Variants in ERICH5 observed in about 807,000 individuals in gnomAD.
The protein encoded by ERICH5 is glutamate-rich protein 5.
ERICH5 carries 24 observed loss-of-function variants against 28.0 expected under a neutral mutation model. The observed-to-expected ratio is 0.86, with a 90% CI of 0.62 to 1.21. The LOEUF (loss-of-function observed/expected upper bound fraction) is 1.21. ERICH5 is among the 50% of genes most tolerant of loss of function. ERICH5 has a pLI of 0.00. For synonymous variants in ERICH5, 163 were observed against 157.6 expected, an observed-to-expected ratio of 1.03 and a Z score of -0.25; for missense variants, 421 against 441.2, an observed-to-expected ratio of 0.95 and a Z score of 0.41.
rs371211645 is a variant in ERICH5 at position 98,074,928 on chromosome 8, C to T, written c.58+10201C>T. On this transcript the variant is annotated intron_variant, in intron 1 of 2. Transcript: ENST00000318528. ...TCCAGAATCCCACATTGCATGTAGT[C>T]ATCATGCCTCCTTCAGCTCCCCTTG... Among the ~76,000 whole-genome samples, 12 of 152,284 alleles carry T rather than the reference C, an allele frequency of 7.9e-5. No homozygotes were observed. The East Asian group carries it at 1.9e-3, about 24-fold the overall frequency.
intron 1 of ERICH5, among the ~76,000 whole-genome samples, chr8:98,085,326 A>C (rs1371924645): frequency 1.3e-5 from 2 of 151,346 alleles, no homozygotes; most frequent in African/African-American, 4.9e-5. Context: ...ACGCCCTGCT[A>C]ATTTTTTTTT....
chr8:98,071,382 C>A (rs889620176), intron 1 of ERICH5, among the ~76,000 whole-genome samples: 1 of 152,176 alleles, frequency 6.6e-6, no homozygotes, highest in African/African-American at 2.4e-5. Context: ...TTGAAAGAAA[C>A]CCTGAATACG....
intron 1 of ERICH5, among the ~76,000 whole-genome samples, chr8:98,066,865 C>T (rs565825129): frequency 6.6e-6 from 1 of 152,188 alleles, no homozygotes; most frequent in Non-Finnish European, 1.5e-5. Context: ...TTCTTTAAAT[C>T]CTATATACAA....
intron 1 of ERICH5, among the ~76,000 whole-genome samples, chr8:98,081,538 T>A (rs536672009): frequency 5.9e-5 from 9 of 152,340 alleles, no homozygotes; most frequent in African/African-American, 1.7e-4. Context: ...GTAATCCTCA[T>A]GTCAGTTCCC....
intron 1 of ERICH5, among the ~76,000 whole-genome samples, chr8:98,078,014 A>AT (rs2130518872): frequency 1.3e-5 from 2 of 152,282 alleles, no homozygotes; most frequent in African/African-American, 4.8e-5. Flanking sequence ...ACTGATTTTT[A>AT]TTTACCCTCA....
chr8:98,064,751 C>T, intron 1 of ERICH5, 24 bp downstream of exon 1: 6 of 1,521,362 alleles, frequency 3.9e-6, no homozygotes, highest in Admixed American at 2.0e-5. Context: ...CGGCGCCGCC[C>T]GCGCCCGGGC....
chr8:98,091,162 T>C (rs1815375885), intron 2 of ERICH5, among the ~76,000 whole-genome samples: 1 of 152,178 alleles, frequency 6.6e-6, no homozygotes, highest in African/African-American at 2.4e-5. Flanking sequence ...GGTCTCCAGC[T>C]CCTGACCTCA....
chr8:98,086,008 A>G (rs1815270943), intron 1 of ERICH5, among the ~76,000 whole-genome samples: 1 of 152,224 alleles, frequency 6.6e-6, no homozygotes, highest in Non-Finnish European at 1.5e-5. Context: ...TGTACATCCC[A>G]TGTTTTCATT....
chr8:98,065,594 C>CTGACAG lies in ERICH5; in HGVS notation c.58+871_58+876dup, dbSNP rs547678613. On this transcript the variant is annotated intron_variant, in intron 1 of 2. Transcript: ENST00000318528. Reference sequence around the variant, plus strand: ...GTGAAACAATTGGCTAAGATCGTTTCTGACAGTGATAAGTACTGTGAAAAG... The same window carrying CTGACAG: ...GTGAAACAATTGGCTAAGATCGTTTCTGACAGTGACAGTGATAAGTACTGTGAAAAG... 4.0e-4 allele frequency among the ~76,000 whole-genome samples: 61 copies of CTGACAG among 152,320 alleles called. 1 individual carries two copies. The South Asian group carries it at 0.012, about 30-fold the overall frequency.
At chr8:98,091,823 TC>T (rs1815388318) in intron 2 of ERICH5, among the ~76,000 whole-genome samples, 1 of 150,834 alleles carries the variant, frequency 6.6e-6, no homozygotes, top group African/African-American at 2.4e-5. Context: ...ACTTTCTTTT[TC>T]TTTCTTTTTC....
chr8:98,090,101 G>C, intron 2 of ERICH5, 72 bp downstream of exon 2: 1 of 1,155,844 alleles, frequency 8.7e-7, no homozygotes, highest in East Asian at 2.4e-5. Flanking sequence ...GAGTGGGATG[G>C]GGTGACTGAC....
chr8:98,078,879 A>C (rs994249507), intron 1 of ERICH5, among the ~76,000 whole-genome samples: 4 of 152,226 alleles, frequency 2.6e-5, no homozygotes, highest in African/African-American at 9.6e-5. Flanking sequence ...TATTTATTAT[A>C]TAATAACGTA....
chr8:98,069,419 C>T (rs952055363), intron 1 of ERICH5, among the ~76,000 whole-genome samples: 1 of 151,710 alleles, frequency 6.6e-6, no homozygotes, highest in Non-Finnish European at 1.5e-5. Context: ...TTTATTTATG[C>T]ATTGCAAATA....
At chr8:98,070,990 G>A (rs1814907771) in intron 1 of ERICH5, among the ~76,000 whole-genome samples, 1 of 152,160 alleles carries the variant, frequency 6.6e-6, no homozygotes, top group Non-Finnish European at 1.5e-5. Flanking sequence ...TGGGCTGAGT[G>A]CAGTGGCTCA....
At chr8:98,082,947 G>A (rs1815207864) in intron 1 of ERICH5, among the ~76,000 whole-genome samples, 1 of 152,194 alleles carries the variant, frequency 6.6e-6, no homozygotes, top group Non-Finnish European at 1.5e-5. Flanking sequence ...GGCAAAAATT[G>A]ACGGATCACT....
chr8:98,064,662 T>C lies in ERICH5; in HGVS notation c.-8T>C. 1 of 1,526,810 alleles carries C rather than the reference T, an allele frequency of 6.5e-7. No homozygotes were observed. Among genetic ancestry groups the C allele is most frequent in the Non-Finnish European group, 8.8e-7 (1 of 1,135,700 alleles). The allele number at this position is 1,526,810 out of a possible 1,614,324, so 94.6% of individuals were successfully genotyped here. Reference sequence around the variant, plus strand: ...GCAGGGCTGAGACAGGTGTCTGCGCTCCCCGCAATGGGCTGCTCCAGCAGC... The same window carrying C: ...GCAGGGCTGAGACAGGTGTCTGCGCCCCCCGCAATGGGCTGCTCCAGCAGC... On this transcript the variant is annotated 5_prime_UTR_variant, in exon 1 of 3. Transcript: ENST00000318528.
intron 1 of ERICH5, among the ~76,000 whole-genome samples, chr8:98,069,112 T>C (rs750888906): frequency 1.6e-4 from 24 of 152,234 alleles, no homozygotes; most frequent in Non-Finnish European, 2.6e-4. Flanking sequence ...TTCTTGCATA[T>C]AGAAATTATA....
chr8:98,085,717 A>G (rs1563757271), intron 1 of ERICH5, among the ~76,000 whole-genome samples: 1 of 152,212 alleles, frequency 6.6e-6, no homozygotes, highest in Non-Finnish European at 1.5e-5. Flanking sequence ...TAAACTCTTT[A>G]GCACCACCTG....
chr8:98,070,218 T>C (rs539666832), intron 1 of ERICH5, among the ~76,000 whole-genome samples: 3 of 152,216 alleles, frequency 2.0e-5, no homozygotes, highest in Admixed American at 2.0e-4. Flanking sequence ...TAGTGTGGCC[T>C]TACACATAGA....
Sources: gnomAD v4.1 joint callset for allele counts (sites outside exome capture counted in the v4.1 genomes callset) on GRCh38, gnomAD v4.1.1 for gene constraint, MANE v1.5 for transcripts, NCBI Gene and HGNC (gene_info 2026-07-23, HGNC 2026-07-21) for gene names.